PXDN: variants seen among roughly 807,000 people sequenced by gnomAD.
The protein encoded by PXDN is peroxidasin.
In PXDN, 77 loss-of-function variants were observed where a neutral mutation model predicts 140.3. The ratio of observed to expected loss-of-function variants is 0.55; its 90% CI spans 0.46 to 0.66. PXDN has a LOEUF of 0.66. Ranked by LOEUF, PXDN falls within the 30% of genes least tolerant of loss-of-function variation. PXDN has a pLI of 0.00. For missense variants in PXDN, 1,838 were observed against 2,039.5 expected (o/e 0.90, Z 1.90); for synonymous variants, 911 against 857.4 (o/e 1.06, Z -1.09).
intron 1 of PXDN, among the ~76,000 whole-genome samples, chr2:1,694,056 G>A (rs1482049280): frequency 6.6e-6 from 1 of 152,182 alleles, no homozygotes; most frequent in Non-Finnish European, 1.5e-5. Context: ...AGAAACCACT[G>A]AAAAATAAAC....
intron 3 of PXDN, among the ~76,000 whole-genome samples, chr2:1,688,219 G>A (rs953323943): frequency 6.6e-6 from 1 of 152,168 alleles, no homozygotes; most frequent in African/African-American, 2.4e-5. Context: ...CCACACAATT[G>A]GCCTGGCTCT....
chr2:1,744,378 G>A lies in PXDN; in HGVS notation c.78C>T (p.Ala26=). 1.3e-6 allele frequency: 2 copies of A among 1,526,504 alleles called. No individual in the cohort carries two copies. The highest frequency in any genetic ancestry group is 1.7e-6 in the Non-Finnish European group (2 of 1,143,324). 94.6% of individuals were successfully genotyped at this position (1,526,504 alleles called of 1,614,324 possible). ...LVLFCAWGTL[A]VVAQKPGAGC... ...CTGCGCCCGGCTTCTGGGCCACCAC[G>A]GCCAGCGTCCCCCAGGCGCAGAACA... The change falls in exon 1 of 23, where the codon GCC becomes GCT. Residue 26 remains alanine (A), a synonymous_variant. Transcript: ENST00000252804.
intron 22 of PXDN, 41 bp downstream of exon 22, chr2:1,635,367 C>G: frequency 6.6e-7 from 1 of 1,515,302 alleles, no homozygotes; most frequent in South Asian, 1.2e-5. Flanking sequence ...CTCGGACTTG[C>G]GTATACCTTA....
rs13426841 is a variant in PXDN at position 1,638,471 on chromosome 2, C to T, written c.4206+375G>A. Among the ~76,000 whole-genome samples, 1,196 of 152,292 alleles carry T rather than the reference C, an allele frequency of 7.9e-3. 15 individuals are homozygous for T. The highest frequency in any genetic ancestry group is 0.028 in the African/African-American group (1,143 of 41,550). ...CTGACCTGGAAGTGCCTCCTTACCA[C>T]GCCCTGGGAGAGATGATTCAGAGTT... is the stretch of plus-strand genomic sequence containing the variant. On this transcript the variant is annotated intron_variant, in intron 21 of 22. Coordinates refer to ENST00000252804, the MANE Select transcript of PXDN (RefSeq NM_012293.3).
At chr2:1,692,443 G>A in intron 2 of PXDN, 1 of 468,562 alleles carries the variant, frequency 2.1e-6, no homozygotes, top group Non-Finnish European at 4.4e-6. Context: ...GGCCTGGGGT[G>A]AGAGACCCCG....
chr2:1,686,214 C>A (rs890430482), intron 4 of PXDN, among the ~76,000 whole-genome samples: 1 of 152,324 alleles, frequency 6.6e-6, no homozygotes, highest in South Asian at 2.1e-4. Context: ...CAGCTCCCTG[C>A]CCGAGGGCGG....
intron 3 of PXDN, among the ~76,000 whole-genome samples, chr2:1,690,590 G>T (rs1351605736): frequency 1.4e-5 from 2 of 138,468 alleles, no homozygotes; most frequent in Admixed American, 7.8e-5. Context: ...CAGCTGACTG[G>T]ATCTACTTTC....
chr2:1,706,133 C>T (rs1283036692), intron 1 of PXDN, among the ~76,000 whole-genome samples: 1 of 152,178 alleles, frequency 6.6e-6, no homozygotes, highest in Non-Finnish European at 1.5e-5. Flanking sequence ...GCTCTCAAAC[C>T]CAGAGACCGT....
intron 8 of PXDN, chr2:1,676,717 G>T: frequency 1.6e-6 from 1 of 614,512 alleles, no homozygotes; most frequent in Non-Finnish European, 2.9e-6. Flanking sequence ...AGGAGAGAGT[G>T]GGGAAGGGGC....
At chr2:1,744,192 C>T (rs556932664) in intron 1 of PXDN, 64 bp downstream of exon 1, 8 of 1,410,636 alleles carry the variant, frequency 5.7e-6, no homozygotes, top group Non-Finnish European at 7.4e-6. Context: ...CCGATCACCC[C>T]TGCGCTCCCG....
chr2:1,699,581 G>A (rs1684374819), intron 1 of PXDN, among the ~76,000 whole-genome samples: 1 of 152,070 alleles, frequency 6.6e-6, no homozygotes, highest in African/African-American at 2.4e-5. Flanking sequence ...GTGGTGGTGG[G>A]TGCCTGTAAT....
At chr2:1,691,793 C>T in intron 3 of PXDN, 135 bp downstream of exon 3, 1 of 593,452 alleles carries the variant, frequency 1.7e-6, no homozygotes, top group Non-Finnish European at 2.9e-6. Flanking sequence ...TAAATGTTTA[C>T]TCACCTTCTC....
At chr2:1,701,939 G>A (rs1056054592) in intron 1 of PXDN, among the ~76,000 whole-genome samples, 33 of 152,130 alleles carry the variant, frequency 2.2e-4, no homozygotes, top group Admixed American at 2.2e-3. Context: ...CAATTGGCTG[G>A]TGCTTGATCT....
chr2:1,725,450 G>A (rs1319283593), intron 1 of PXDN, among the ~76,000 whole-genome samples: 1 of 151,802 alleles, frequency 6.6e-6, no homozygotes, highest in East Asian at 1.9e-4. Context: ...AGACTTAAAC[G>A]TTAGACCTAA....
At chr2:1,715,170 ACTT>A (rs923189130) in intron 1 of PXDN, among the ~76,000 whole-genome samples, 2 of 151,934 alleles carry the variant, frequency 1.3e-5, no homozygotes, top group African/African-American at 4.8e-5. Context: ...GTTCCTGAAA[ACTT>A]CTTCCAAGGC....
chr2:1,678,500 T>C (rs1432656966), intron 7 of PXDN, among the ~76,000 whole-genome samples: 1 of 152,180 alleles, frequency 6.6e-6, no homozygotes, highest in Non-Finnish European at 1.5e-5. Context: ...GACAGCCAAA[T>C]TGGAGTAAGG....
At chr2:1,674,706 T>C (rs1230966314) in intron 8 of PXDN, among the ~76,000 whole-genome samples, 3 of 152,160 alleles carry the variant, frequency 2.0e-5, no homozygotes, top group African/African-American at 7.2e-5. Flanking sequence ...TCCCAGTCTA[T>C]GGCAAGTGTG....
chr2:1,700,608 A>G (rs1279498168), intron 1 of PXDN, among the ~76,000 whole-genome samples: 1 of 152,156 alleles, frequency 6.6e-6, no homozygotes, highest in Non-Finnish European at 1.5e-5. Flanking sequence ...AGGATACAGC[A>G]ACACAACCAA....
In PXDN at chr2:1,714,829, T is replaced by C. The variant is rs1684859349; in HGVS notation, c.201-21695A>G. 6.6e-6 allele frequency among the ~76,000 whole-genome samples: 1 copy of C among 152,184 alleles called. No homozygotes were observed. Among genetic ancestry groups the C allele is most frequent in the South Asian group, 2.1e-4 (1 of 4,832 alleles). ...CCAGGCCTGGGTCAGATGGGGCCCC[T>C]GGCCAAGGGCACAGGAAGTAGGGGG... On this transcript the variant is annotated intron_variant, in intron 1 of 22. Coordinates refer to ENST00000252804, the MANE Select transcript of PXDN (RefSeq NM_012293.3). This position sits in a 1 kb window ranked among gnomAD's most constrained non-coding sequence, Gnocchi z 4.3.
Sources: gnomAD v4.1 joint callset for allele counts (sites outside exome capture counted in the v4.1 genomes callset) on GRCh38, gnomAD v4.1.1 for gene constraint, Gnocchi (gnomAD v3.1) non-coding constraint, MANE v1.5 for transcripts, NCBI Gene and HGNC (gene_info 2026-07-23, HGNC 2026-07-21) for gene names.